NAV2: variants seen among roughly 807,000 people sequenced by gnomAD.
The protein encoded by NAV2 is neuron navigator 2.
NAV2 carries 54 observed loss-of-function variants against 223.2 expected under a neutral mutation model. The ratio of observed to expected loss-of-function variants is 0.24; its 90% CI spans 0.19 to 0.30. The LOEUF (loss-of-function observed/expected upper bound fraction) is 0.30, where lower values mean the gene tolerates loss of function less well. Among genes scored for constraint, NAV2 ranks in the 10% least tolerant of loss-of-function variants. The pLI, the probability that NAV2 is intolerant of heterozygous loss-of-function variation, is 1.00. For synonymous variants in NAV2, 1,279 were observed against 1,239.3 expected (o/e 1.03, Z -0.67); for missense variants, 2,806 against 3,147.5 (o/e 0.89, Z 2.60).
chr11:19,406,381 C>A lies in NAV2; in HGVS notation c.75+55354C>A, dbSNP rs1046043776. On this transcript the variant is annotated intron_variant, in intron 1 of 37. Transcript: ENST00000360655. ...CTAAACAATACGAATGGGGAAGCAC[C>A]GCGCAGAACGGCAAGATGCTAAGCA... is the stretch of plus-strand genomic sequence containing the variant. Among the ~76,000 whole-genome samples, 2 of 152,116 alleles carry A rather than the reference C, an allele frequency of 1.3e-5. 1 individual carries two copies. The highest frequency in any genetic ancestry group is 4.2e-4 in the South Asian group (2 of 4,816).
intron 11 of NAV2, among the ~76,000 whole-genome samples, chr11:20,024,505 C>T (rs1405331430): frequency 2.0e-5 from 3 of 152,198 alleles, no homozygotes; most frequent in Non-Finnish European, 4.4e-5. Flanking sequence ...GATCTACACC[C>T]AGCATATTAA....
chr11:19,681,469 G>C (rs2048878336), intron 1 of NAV2, among the ~76,000 whole-genome samples: 1 of 152,236 alleles, frequency 6.6e-6, no homozygotes, highest in Admixed American at 6.5e-5. Context: ...GCACCACTCT[G>C]TGTGAAATGG....
rs4757840 is a variant in NAV2 at position 19,714,962 on chromosome 11, G to A, written c.267+1000G>A. On this transcript the variant is annotated intron_variant, in intron 1 of 37. Transcript: ENST00000349880. ...GTGACTGTCCGGTTAGGAGAGGCGG[G>A]AAGCCAGAGGGGAGGTGGTTTGGGG... is the stretch of plus-strand genomic sequence containing the variant. Among the ~76,000 whole-genome samples the A allele has an allele frequency of 1.1e-4, 16 of 152,192 alleles. No homozygotes were observed. The South Asian group carries it at 3.3e-3, about 32-fold the overall frequency.
intron 1 of NAV2, among the ~76,000 whole-genome samples, chr11:19,497,972 A>G (rs2042850653): frequency 6.6e-6 from 1 of 152,212 alleles, no homozygotes; most frequent in African/African-American, 2.4e-5. Context: ...GCTCACAGTA[A>G]TTCTGAGGTC....
intron 1 of NAV2, among the ~76,000 whole-genome samples, chr11:19,523,656 G>A (rs965070916): frequency 3.3e-5 from 5 of 152,312 alleles, no homozygotes; most frequent in Non-Finnish European, 5.9e-5. Context: ...TGTGCCATGA[G>A]GGCAAGGGCC....
At chr11:19,826,392 T>C (rs79576087) in intron 1 of NAV2, among the ~76,000 whole-genome samples, 4,887 of 152,282 alleles carry the variant, frequency 0.032, 265 homozygotes, top group African/African-American at 0.11. Context: ...CTCAAAATCT[T>C]GAGCCCTTAC....
At chr11:19,832,345 A>G in intron 1 of NAV2, 139 bp from the exon 2 acceptor site, 2 of 693,486 alleles carry the variant, frequency 2.9e-6, no homozygotes, top group Non-Finnish European at 5.2e-6. Flanking sequence ...AGCACAATGC[A>G]CTGAATTTTA....
intron 1 of NAV2, among the ~76,000 whole-genome samples, chr11:19,740,409 G>A (rs560384491): frequency 6.6e-5 from 10 of 152,274 alleles, no homozygotes; most frequent in Admixed American, 2.0e-4. Context: ...CAAGTACCCA[G>A]GGACACAAAC....
chr11:19,430,838 G>C (rs1851013753), intron 1 of NAV2, among the ~76,000 whole-genome samples: 1 of 152,200 alleles, frequency 6.6e-6, no homozygotes, highest in Non-Finnish European at 1.5e-5. Flanking sequence ...AGAAGCTCCA[G>C]CCTCCTCTGA....
chr11:20,092,352 T>C lies in NAV2; in HGVS notation c.5799T>C (p.Thr1933=). Residue 1933 remains threonine, a synonymous_variant, in exon 28 of 38, where the codon ACT becomes ACC. Transcript: ENST00000349880. ...MGLSQHSLNL[T]ESTSLDMLLD... Reference sequence around the variant, plus strand: ...TCTCCCAGCACAGCTTGAACCTCACTGAGTCAACCAGCCTGGGTGAGTGGC... The same window carrying C: ...TCTCCCAGCACAGCTTGAACCTCACCGAGTCAACCAGCCTGGGTGAGTGGC... The C allele has an allele frequency of 1.9e-6, 3 of 1,612,820 alleles. No individual in the cohort carries two copies. Among genetic ancestry groups the C allele is most frequent in the Non-Finnish European group, 2.5e-6 (3 of 1,178,958 alleles).
At chr11:19,690,179 C>G (rs2049130009) in intron 1 of NAV2, among the ~76,000 whole-genome samples, 1 of 152,168 alleles carries the variant, frequency 6.6e-6, no homozygotes, top group Non-Finnish European at 1.5e-5. Flanking sequence ...TCAGGCTGCT[C>G]TAGAACTCCT....
intron 6 of NAV2, among the ~76,000 whole-genome samples, chr11:19,916,761 T>C (rs2043844281): frequency 6.6e-6 from 1 of 152,360 alleles, no homozygotes; most frequent in African/African-American, 2.4e-5. Flanking sequence ...CTATTCAATA[T>C]GTAAATGAAT....
chr11:19,835,007 G>C (rs754445059), intron 2 of NAV2, among the ~76,000 whole-genome samples: 9 of 152,234 alleles, frequency 5.9e-5, no homozygotes, highest in Admixed American at 4.6e-4. Flanking sequence ...ATCTGTGTCA[G>C]TATGTTGTGA....
chr11:19,809,179 A>T (rs1422518195), intron 1 of NAV2, among the ~76,000 whole-genome samples: 1 of 152,226 alleles, frequency 6.6e-6, no homozygotes. Context: ...TAGGAAATTC[A>T]TGCATGCAGG....
intron 1 of NAV2, among the ~76,000 whole-genome samples, chr11:19,447,530 T>G (rs1851629289): frequency 6.6e-6 from 1 of 152,116 alleles, no homozygotes; most frequent in Non-Finnish European, 1.5e-5. Context: ...CTCACAGAGG[T>G]TTGGGGGAAG....
chr11:19,885,256 A>G (rs2063459183), intron 5 of NAV2, among the ~76,000 whole-genome samples: 1 of 152,242 alleles, frequency 6.6e-6, no homozygotes, highest in Non-Finnish European at 1.5e-5. Context: ...GCCCAAGGCC[A>G]CACACATAAA....
At chr11:19,881,955 A>G (rs1387930057) in intron 5 of NAV2, among the ~76,000 whole-genome samples, 1 of 152,168 alleles carries the variant, frequency 6.6e-6, no homozygotes, top group Non-Finnish European at 1.5e-5. Flanking sequence ...GAGGGCTGCT[A>G]CCATTTATGT....
intron 1 of NAV2, among the ~76,000 whole-genome samples, chr11:19,740,278 G>T (rs996969314): frequency 2.0e-5 from 3 of 152,162 alleles, no homozygotes; most frequent in African/African-American, 7.2e-5. Flanking sequence ...AAGACATGGG[G>T]ATGAAACGTG....
intron 3 of NAV2, among the ~76,000 whole-genome samples, chr11:19,866,891 A>C (rs1362622166): frequency 6.6e-6 from 1 of 152,146 alleles, no homozygotes; most frequent in African/African-American, 2.4e-5. Flanking sequence ...TGGGGACATA[A>C]TTGCCAAAGC....
Sources: allele counts gnomAD v4.1 joint callset (sites outside exome capture counted in the v4.1 genomes callset), GRCh38; gene constraint gnomAD v4.1.1; transcripts MANE v1.5; gene names NCBI Gene and HGNC (gene_info 2026-07-23, HGNC 2026-07-21).